The following RASAL2 variants were observed in gnomAD, a reference collection of about 807,000 sequenced individuals.
RASAL2 encodes the protein ras GTPase-activating protein nGAP.
A neutral mutation model predicts 128.9 loss-of-function variants in RASAL2; 58 were observed. That is an observed-to-expected ratio of 0.45 (90% CI 0.36 to 0.56). The LOEUF (loss-of-function observed/expected upper bound fraction) is 0.56, where lower values mean the gene tolerates loss of function less well. Among genes scored for constraint, RASAL2 ranks in the 20% least tolerant of loss-of-function variants. RASAL2 has a pLI of 0.00. For synonymous variants in RASAL2, 561 were observed against 580.8 expected (o/e 0.97, Z 0.49); for missense variants, 1,360 against 1,601.6 (o/e 0.85, Z 2.57).
intron 1 of RASAL2, among the ~76,000 whole-genome samples, chr1:178,110,559 T>C (rs1205003966): frequency 6.9e-6 from 1 of 145,292 alleles, no homozygotes; most frequent in Non-Finnish European, 1.5e-5. Context: ...AGTGTATATA[T>C]AGTATATATA....
intron 1 of RASAL2, among the ~76,000 whole-genome samples, chr1:178,122,065 T>C (rs1352846023): frequency 6.6e-6 from 1 of 152,180 alleles, no homozygotes. Context: ...TTTTTATTTA[T>C]GGTATTCTGT....
At chr1:178,400,104 G>A (rs924488830) in intron 4 of RASAL2, among the ~76,000 whole-genome samples, 9 of 152,026 alleles carry the variant, frequency 5.9e-5, no homozygotes, top group East Asian at 1.9e-4. Context: ...ACTGTCAGTC[G>A]CCCGCTGAAG....
At chr1:178,386,409 C>G (rs1387124772) in intron 3 of RASAL2, among the ~76,000 whole-genome samples, 1 of 152,172 alleles carries the variant, frequency 6.6e-6, no homozygotes, top group Non-Finnish European at 1.5e-5. Flanking sequence ...ATGGCTTACA[C>G]AGAATCGTAC....
chr1:178,346,845 A>C (rs1254090160), intron 3 of RASAL2, among the ~76,000 whole-genome samples: 1 of 152,220 alleles, frequency 6.6e-6, no homozygotes, highest in Non-Finnish European at 1.5e-5. Context: ...TCTCCCTTGT[A>C]AACATTTTTT....
chr1:178,311,901 T>C (rs1334594573), intron 3 of RASAL2, among the ~76,000 whole-genome samples: 1 of 151,570 alleles, frequency 6.6e-6, no homozygotes, highest in Non-Finnish European at 1.5e-5. Flanking sequence ...AACAGAAAAC[T>C]TTAAAAAAAT....
chr1:178,175,370 C>G (rs1661846176), intron 1 of RASAL2, among the ~76,000 whole-genome samples: 1 of 151,722 alleles, frequency 6.6e-6, no homozygotes, highest in African/African-American at 2.4e-5. Context: ...TTTCACAGGA[C>G]TCTCCCAGAA....
chr1:178,307,981 A>T (rs1668072489), intron 3 of RASAL2, among the ~76,000 whole-genome samples: 1 of 152,204 alleles, frequency 6.6e-6, no homozygotes, highest in Admixed American at 6.5e-5. Context: ...GTTCAGATTG[A>T]ACTGGTAAAT....
chr1:178,350,278 T>C (rs28454385), intron 3 of RASAL2, among the ~76,000 whole-genome samples: 1 of 152,186 alleles, frequency 6.6e-6, no homozygotes, highest in Admixed American at 6.5e-5. Flanking sequence ...GAGTGTGCAG[T>C]GGCATGATCA....
At chr1:178,415,272 A>G (rs536688419) in intron 4 of RASAL2, among the ~76,000 whole-genome samples, 1 of 151,754 alleles carries the variant, frequency 6.6e-6, no homozygotes. Context: ...TTTCATTTTT[A>G]TTTCATTCAG....
At chr1:178,214,816 T>C (rs316259) in intron 1 of RASAL2, among the ~76,000 whole-genome samples, 151,991 of 152,236 alleles carry the variant, frequency 1, 75,873 homozygotes, top group Middle Eastern at 1. Context: ...CCTCGGCCTC[T>C]GAAAGTGCAG....
chr1:178,164,272 G>A (rs1011234899), intron 1 of RASAL2, among the ~76,000 whole-genome samples: 1 of 151,978 alleles, frequency 6.6e-6, no homozygotes, highest in Non-Finnish European at 1.5e-5. Context: ...TCAAAAATGC[G>A]GCACTTTTCT....
At chr1:178,132,393 G>A (rs868481607) in intron 1 of RASAL2, among the ~76,000 whole-genome samples, 1 of 151,918 alleles carries the variant, frequency 6.6e-6, no homozygotes, top group Non-Finnish European at 1.5e-5. Flanking sequence ...TACTGTCAGT[G>A]TACCATACCT....
chr1:178,335,991 G>A (rs1186132307), intron 3 of RASAL2, among the ~76,000 whole-genome samples: 2 of 151,738 alleles, frequency 1.3e-5, no homozygotes, highest in African/African-American at 4.8e-5. Context: ...GTGGTTAAGG[G>A]AAAGCACTCC....
intron 1 of RASAL2, among the ~76,000 whole-genome samples, chr1:178,187,077 C>G (rs1006142990): frequency 2.2e-4 from 33 of 152,264 alleles, no homozygotes; most frequent in African/African-American, 7.0e-4. Flanking sequence ...ATCCTCCTGC[C>G]TCGGCCTCCC....
At chr1:178,422,683 A>T (rs1675231694) in intron 5 of RASAL2, among the ~76,000 whole-genome samples, 1 of 152,070 alleles carries the variant, frequency 6.6e-6, no homozygotes, top group Non-Finnish European at 1.5e-5. Flanking sequence ...TTTTCTGAAG[A>T]CCTGATTTTC....
At chr1:178,181,153 C>T (rs1029982210) in intron 1 of RASAL2, among the ~76,000 whole-genome samples, 9 of 151,674 alleles carry the variant, frequency 5.9e-5, no homozygotes, top group East Asian at 1.9e-4. Context: ...GTGTTACTAA[C>T]GTTTTTATGA....
chr1:178,366,578 C>T (rs1671408550), intron 3 of RASAL2, among the ~76,000 whole-genome samples: 1 of 83,538 alleles, frequency 1.2e-5, no homozygotes, highest in Non-Finnish European at 2.2e-5. Flanking sequence ...TACTTGGTAC[C>T]TCCCACCCCC....
At chr1:178,395,747 C>T (rs1673173129) in intron 4 of RASAL2, among the ~76,000 whole-genome samples, 1 of 142,290 alleles carries the variant, frequency 7.0e-6, no homozygotes, top group Admixed American at 7.0e-5. Flanking sequence ...GATCGCCCTC[C>T]AGTGAGACCT....
intron 4 of RASAL2, among the ~76,000 whole-genome samples, chr1:178,391,919 C>A (rs1672930316): frequency 6.6e-6 from 1 of 152,116 alleles, no homozygotes. Flanking sequence ...ATCAATTGGA[C>A]CCCAAAATTA....
Sources: allele counts gnomAD v4.1 joint callset (sites outside exome capture counted in the v4.1 genomes callset), GRCh38; gene constraint gnomAD v4.1.1; transcripts MANE v1.5; gene names NCBI Gene and HGNC (gene_info 2026-07-23, HGNC 2026-07-21).